LRP1B: variants seen among roughly 807,000 people sequenced by gnomAD.
The protein encoded by LRP1B is LDL receptor related protein 1B.
LRP1B carries 217 observed loss-of-function variants against 556.6 expected under a neutral mutation model. The observed-to-expected ratio is 0.39, with a 90% CI of 0.35 to 0.44. The LOEUF (loss-of-function observed/expected upper bound fraction) is 0.44. LRP1B is among the 20% of genes least tolerant of loss of function. The probability of loss-of-function intolerance (pLI) is 1.00; values close to 1 mark genes in which losing one functional copy is unlikely to be tolerated. For synonymous variants in LRP1B, 2,047 were observed against 1,865.8 expected, an observed-to-expected ratio of 1.10 and a Z score of -2.50; for missense variants, 5,053 against 5,620.8, an observed-to-expected ratio of 0.90 and a Z score of 3.23.
At chr2:140,395,128 G>A (rs779423758) in intron 66 of LRP1B, among the ~76,000 whole-genome samples, 3 of 152,116 alleles carry the variant, frequency 2.0e-5, no homozygotes, top group Non-Finnish European at 2.9e-5. Flanking sequence ...AATTTTTATT[G>A]CTTAAAATAT....
intron 2 of LRP1B, among the ~76,000 whole-genome samples, chr2:141,670,965 A>C (rs1690644275): frequency 6.6e-6 from 1 of 152,230 alleles, no homozygotes; most frequent in Non-Finnish European, 1.5e-5. Context: ...GAATTAGATA[A>C]AAACTAATAT....
At chr2:141,178,336 G>C (rs1166768186) in intron 7 of LRP1B, among the ~76,000 whole-genome samples, 1 of 152,102 alleles carries the variant, frequency 6.6e-6, no homozygotes, top group Non-Finnish European at 1.5e-5. Flanking sequence ...AGAGCAGTAG[G>C]TCTTCACCTT....
In LRP1B at chr2:141,109,479, A is replaced by T. The variant is rs115391852; in HGVS notation, c.1014-47206T>A. Among the ~76,000 whole-genome samples, 851 of 152,276 alleles carry T rather than the reference A, an allele frequency of 5.6e-3. 10 individuals carry two copies. Among genetic ancestry groups the T allele is most frequent in the African/African-American group, 0.019 (804 of 41,542 alleles). ...ATACCAGGAGACAAAAGCCAAAAAG[A>T]TTCATTTTTAGTTCTTTCACTTCAA... On this transcript the variant is annotated intron_variant, in intron 7 of 90. Coordinates refer to ENST00000389484, the MANE Select transcript of LRP1B (RefSeq NM_018557.3).
chr2:141,725,775 G>T (rs1379329491), intron 2 of LRP1B, among the ~76,000 whole-genome samples: 2 of 151,504 alleles, frequency 1.3e-5, no homozygotes, highest in Admixed American at 6.6e-5. Flanking sequence ...AGAACACAGG[G>T]CTTTGCATCA....
chr2:141,423,120 A>G (rs935595132), intron 3 of LRP1B, among the ~76,000 whole-genome samples: 1 of 151,960 alleles, frequency 6.6e-6, no homozygotes, highest in African/African-American at 2.4e-5. Flanking sequence ...CTATTTCATT[A>G]ATTTGTTCTC....
intron 77 of LRP1B, among the ~76,000 whole-genome samples, chr2:140,345,751 CAT>C (rs1163438134): frequency 8.4e-6 from 1 of 119,758 alleles, no homozygotes; most frequent in African/African-American, 3.2e-5. Flanking sequence ...TATATATACA[CAT>C]ATATACATAT....
intron 2 of LRP1B, among the ~76,000 whole-genome samples, chr2:141,558,850 T>A (rs552163061): frequency 9.2e-5 from 14 of 151,922 alleles, no homozygotes; most frequent in African/African-American, 3.1e-4. Flanking sequence ...TCAGTTGTTA[T>A]ATTTTAAAAC....
intron 7 of LRP1B, among the ~76,000 whole-genome samples, chr2:141,112,224 G>A (rs1700774442): frequency 6.6e-6 from 1 of 152,050 alleles, no homozygotes; most frequent in South Asian, 2.1e-4. Flanking sequence ...GTCTTTTGTG[G>A]TCATTCATGA....
At chr2:141,093,807 C>T (rs868612005) in intron 7 of LRP1B, among the ~76,000 whole-genome samples, 1 of 152,038 alleles carries the variant, frequency 6.6e-6, no homozygotes, top group Non-Finnish European at 1.5e-5. Flanking sequence ...CTCCACCCCC[C>T]GGGTTCAATC....
At chr2:141,763,111 T>C (rs1038777566) in intron 2 of LRP1B, among the ~76,000 whole-genome samples, 10 of 152,140 alleles carry the variant, frequency 6.6e-5, no homozygotes, top group Admixed American at 5.9e-4. Flanking sequence ...ACAAAACCGA[T>C]AATAGGAGAA....
chr2:141,937,109 G>C (rs1039780715), intron 1 of LRP1B, among the ~76,000 whole-genome samples: 1 of 152,058 alleles, frequency 6.6e-6, no homozygotes, highest in East Asian at 1.9e-4. Context: ...TATAACATGT[G>C]CCAGGCGAGG....
intron 7 of LRP1B, among the ~76,000 whole-genome samples, chr2:141,117,811 G>A (rs796448630): frequency 2.0e-5 from 3 of 152,002 alleles, no homozygotes; most frequent in African/African-American, 4.8e-5. Flanking sequence ...TCATTCCCTG[G>A]CATGAGTATG....
chr2:141,554,393 C>T (rs573971463), intron 2 of LRP1B, among the ~76,000 whole-genome samples: 2 of 149,414 alleles, frequency 1.3e-5, no homozygotes, highest in African/African-American at 2.4e-5. Context: ...AATAGATATA[C>T]ATTATATATC....
chr2:141,690,396 A>AATAAATAAAAATATATATATAT (rs5834858), intron 2 of LRP1B, among the ~76,000 whole-genome samples: 1 of 26,936 alleles, frequency 3.7e-5, no homozygotes, highest in African/African-American at 1.2e-4. Flanking sequence ...TACATCTATA[A>AATAAATAAAAATATATATATAT]ATATATATAT....
At chr2:142,043,742 A>C (rs1334071161) in intron 1 of LRP1B, among the ~76,000 whole-genome samples, 1 of 151,676 alleles carries the variant, frequency 6.6e-6, no homozygotes, top group Non-Finnish European at 1.5e-5. Context: ...GTTTTATTCA[A>C]ATAATTAGCT....
At chr2:141,233,608 C>A (rs1365882846) in intron 5 of LRP1B, among the ~76,000 whole-genome samples, 2 of 152,034 alleles carry the variant, frequency 1.3e-5, no homozygotes, top group South Asian at 2.1e-4. Context: ...GCAAGCCTAT[C>A]TTTATCTTCT....
chr2:140,647,090 T>A (rs1249511175), intron 41 of LRP1B, among the ~76,000 whole-genome samples: 1 of 152,104 alleles, frequency 6.6e-6, no homozygotes, highest in Admixed American at 6.5e-5. Flanking sequence ...ATTCCCTAGT[T>A]TTTCTCCGCA....
At chr2:141,695,328 C>T (rs374552832) in intron 2 of LRP1B, among the ~76,000 whole-genome samples, 3 of 151,916 alleles carry the variant, frequency 2.0e-5, no homozygotes, top group East Asian at 1.9e-4. Flanking sequence ...TTTATTCTGT[C>T]CTCTTGTAAA....
rs777579107 is a variant in LRP1B at position 140,314,942 on chromosome 2, T to C, written c.12798A>G (p.Ser4266=). Residue 4266 remains serine (S), a synonymous_variant, in exon 83 of 91, where the codon TCA becomes TCG. Transcript: ENST00000389484. The part of the protein sequence containing the change: ...YCQNGGTCVP[S]VLGRPTCSCA... The stretch of plus-strand genomic sequence containing the variant: ...TGACAATGAAATATTTACCTAGAAC[T>C]GATGGTACGCAAGTTCCTCCATTCT... 18 of 1,602,378 alleles carry C rather than the reference T, an allele frequency of 1.1e-5. No individual in the cohort carries two copies. Among genetic ancestry groups the C allele is most frequent in the Non-Finnish European group, 6.8e-6 (8 of 1,174,550 alleles).
Sources: gnomAD v4.1 joint callset for allele counts (sites outside exome capture counted in the v4.1 genomes callset) on GRCh38, gnomAD v4.1.1 for gene constraint, MANE v1.5 for transcripts, NCBI Gene and HGNC (gene_info 2026-07-23, HGNC 2026-07-21) for gene names.